TLE1: variants seen among roughly 807,000 people sequenced by gnomAD.
TLE1 encodes TLE family member 1, transcriptional corepressor.
A neutral mutation model predicts 89.8 loss-of-function variants in TLE1; 21 were observed. The ratio of observed to expected loss-of-function variants is 0.23; its 90% CI spans 0.17 to 0.34. TLE1 has a LOEUF of 0.34. TLE1 is among the 10% of genes least tolerant of loss of function. TLE1 has a pLI of 1.00. For synonymous variants in TLE1, 447 were observed against 407.6 expected (o/e 1.10, Z -1.16); for missense variants, 795 against 1,031.2 (o/e 0.77, Z 3.14).
At chr9:81,667,292 A>T in intron 4 of TLE1, among the ~76,000 whole-genome samples, 1 of 151,272 alleles carries the variant, frequency 6.6e-6, no homozygotes, top group East Asian at 2.0e-4. Context: ...GCTACTCAGA[A>T]GGCTGAGGTA....
chr9:81,648,896 A>G (rs1829200798), intron 6 of TLE1, among the ~76,000 whole-genome samples: 1 of 152,214 alleles, frequency 6.6e-6, no homozygotes, highest in Non-Finnish European at 1.5e-5. Context: ...TTCCCCTCCC[A>G]CAATGCGACT....
chr9:81,614,935 C>A (rs1303407069), intron 11 of TLE1, among the ~76,000 whole-genome samples: 2 of 151,598 alleles, frequency 1.3e-5, no homozygotes, highest in Non-Finnish European at 2.9e-5. Context: ...TGGCTCACAC[C>A]TGTAATCCCA....
At chr9:81,680,140 C>CA (rs1833423571) in intron 4 of TLE1, among the ~76,000 whole-genome samples, 1 of 152,196 alleles carries the variant, frequency 6.6e-6, no homozygotes, top group Admixed American at 6.5e-5. Flanking sequence ...AGGGAACAAA[C>CA]AGACTTTTGT....
chr9:81,680,319 G>A (rs1164085834), intron 4 of TLE1, among the ~76,000 whole-genome samples: 1 of 152,144 alleles, frequency 6.6e-6, no homozygotes. Context: ...GTAACCAAAG[G>A]CAGAAAGAGG....
chr9:81,644,499 T>C (rs1416864391), intron 6 of TLE1, among the ~76,000 whole-genome samples: 1 of 152,184 alleles, frequency 6.6e-6, no homozygotes, highest in Non-Finnish European at 1.5e-5. Flanking sequence ...TCATATGAGA[T>C]GTCCAGAATA....
intron 14 of TLE1, among the ~76,000 whole-genome samples, chr9:81,597,870 CTG>C (rs1830437103): frequency 6.6e-6 from 1 of 152,180 alleles, no homozygotes; most frequent in Middle Eastern, 3.2e-3. Context: ...GAAAACAAGA[CTG>C]TGTTCCAAGG....
intron 4 of TLE1, among the ~76,000 whole-genome samples, chr9:81,681,189 C>G (rs962755107): frequency 1.3e-5 from 2 of 152,138 alleles, no homozygotes; most frequent in African/African-American, 4.8e-5. Context: ...CTTTCCCAAC[C>G]AGGATTGCAG....
intron 14 of TLE1, among the ~76,000 whole-genome samples, chr9:81,603,507 C>T (rs547078992): frequency 6.6e-6 from 1 of 152,244 alleles, no homozygotes; most frequent in Non-Finnish European, 1.5e-5. Context: ...GTACCAGAAA[C>T]AGAAGAACAG....
At position 81,584,479 on chromosome 9, in the gene TLE1, C is replaced by A; in HGVS notation, c.2174G>T (p.Trp725Leu). Residue 725 changes from tryptophan to leucine, a missense_variant, in exon 19 of 20, where the codon TGG becomes TTG. Physicochemically the swap from Trp to Leu is moderately conservative, Grantham distance 61 (BLOSUM62 -2). Transcript: ENST00000376499. ...STGKDNLLNA[W>L]RTPYGASIFQ... The stretch of plus-strand genomic sequence containing the variant: ...TATGCTGGCTCCATAGGGGGTCCGC[C>A]AAGCATTGAGGAGGTTATCTTTTCC... 6.2e-7 allele frequency: 1 copy of A among 1,614,172 alleles called. No individual in the cohort carries two copies. Among genetic ancestry groups the A allele is most frequent in the Non-Finnish European group, 8.5e-7 (1 of 1,180,036 alleles).
intron 6 of TLE1, among the ~76,000 whole-genome samples, chr9:81,643,469 C>T (rs1186844660): frequency 6.6e-6 from 1 of 152,132 alleles, no homozygotes; most frequent in African/African-American, 2.4e-5. Context: ...CTCCCAACCT[C>T]AGGTGATCCG....
chr9:81,588,403 G>A (rs1314361370), intron 16 of TLE1, among the ~76,000 whole-genome samples: 1 of 152,118 alleles, frequency 6.6e-6, no homozygotes, highest in Non-Finnish European at 1.5e-5. Flanking sequence ...GTTAGAAAGA[G>A]CCCTGCATTA....
chr9:81,594,550 A>G (rs1829963910), intron 14 of TLE1, among the ~76,000 whole-genome samples: 1 of 152,182 alleles, frequency 6.6e-6, no homozygotes, highest in Non-Finnish European at 1.5e-5. Context: ...TCTTAAAAAA[A>G]AAAAAAATTA....
At chr9:81,631,959 A>G (rs1826674740) in intron 8 of TLE1, among the ~76,000 whole-genome samples, 1 of 152,118 alleles carries the variant, frequency 6.6e-6, no homozygotes, top group South Asian at 2.1e-4. Flanking sequence ...AAAATTAGCC[A>G]GGTGTGGTGG....
At chr9:81,648,038 G>A (rs1377033580) in intron 6 of TLE1, among the ~76,000 whole-genome samples, 1 of 152,130 alleles carries the variant, frequency 6.6e-6, no homozygotes, top group African/African-American at 2.4e-5. Flanking sequence ...TTGGGAGGCT[G>A]AGGCGGGTGG....
At chr9:81,631,328 G>C (rs1481313056) in intron 8 of TLE1, among the ~76,000 whole-genome samples, 1 of 152,176 alleles carries the variant, frequency 6.6e-6, no homozygotes, top group Non-Finnish European at 1.5e-5. Flanking sequence ...CGGAAATTCA[G>C]AAAGACACAG....
In TLE1 at chr9:81,688,807, C is replaced by T. The variant is rs1588295693; in HGVS notation, c.-567G>A. On this transcript the variant is annotated 5_prime_UTR_variant, in exon 1 of 20. Transcript: ENST00000376499. Reference sequence around the variant, plus strand: ...CGACTCCCGCAAGATTCGGCTGCGCCTTCGGCCGGGTGCTCGCAGGCTCCC... The same window carrying T: ...CGACTCCCGCAAGATTCGGCTGCGCTTTCGGCCGGGTGCTCGCAGGCTCCC... 4 of 152,484 alleles carry T rather than the reference C, an allele frequency of 2.6e-5. No individual in the cohort carries two copies. The highest frequency in any genetic ancestry group is 9.6e-5 in the African/African-American group (4 of 41,590). The allele number at this position is 152,484 out of a possible 1,614,324, so 9.4% of individuals were successfully genotyped here.
intron 14 of TLE1, among the ~76,000 whole-genome samples, chr9:81,601,994 T>A (rs1015331840): frequency 6.6e-6 from 1 of 152,086 alleles, no homozygotes; most frequent in Non-Finnish European, 1.5e-5. Flanking sequence ...ACGATTATAA[T>A]CCAAGCTCTC....
At chr9:81,593,509 T>A (rs1275092978) in intron 14 of TLE1, among the ~76,000 whole-genome samples, 2 of 152,274 alleles carry the variant, frequency 1.3e-5, no homozygotes, top group African/African-American at 2.4e-5. Context: ...GTATGTAAAA[T>A]TTTTTAAGGG....
At chr9:81,671,268 CT>C (rs1832188559) in intron 4 of TLE1, among the ~76,000 whole-genome samples, 1 of 152,022 alleles carries the variant, frequency 6.6e-6, no homozygotes. Flanking sequence ...AATCCCAGCA[CT>C]TTGGAAGGCT....
Sources: allele counts gnomAD v4.1 joint callset (sites outside exome capture counted in the v4.1 genomes callset), GRCh38; gene constraint gnomAD v4.1.1; transcripts MANE v1.5; gene names NCBI Gene and HGNC (gene_info 2026-07-23, HGNC 2026-07-21).